ZNF567: variants seen among roughly 807,000 people sequenced by gnomAD.
ZNF567 encodes the protein zinc finger protein 567.
Under a neutral mutation model 53.9 loss-of-function variants are expected in ZNF567, and 36 were observed. That is an observed-to-expected ratio of 0.67 (90% CI 0.51 to 0.88). The LOEUF (loss-of-function observed/expected upper bound fraction) is 0.88, where lower values mean the gene tolerates loss of function less well. Ranked by LOEUF, ZNF567 falls within the 40% of genes least tolerant of loss-of-function variation. ZNF567 has a pLI of 0.00. For synonymous variants in ZNF567, 224 were observed against 260.4 expected (o/e 0.86, Z 1.35); for missense variants, 619 against 764.7 (o/e 0.81, Z 2.25).
downstream of ZNF567, among the ~76,000 whole-genome samples, chr19:36,721,686 A>C (rs1312206484): frequency 6.6e-6 from 1 of 151,564 alleles, no homozygotes; most frequent in Non-Finnish European, 1.5e-5. Flanking sequence ...AGAGAAAGGG[A>C]CATTGAGAAG....
At chr19:36,723,211 A>G, downstream of ZNF567, 1 of 702,944 alleles carries the variant, frequency 1.4e-6, no homozygotes, top group Non-Finnish European at 2.6e-6. Flanking sequence ...GCCTAACTGG[A>G]TGTTTATCCT....
rs747530916 is a variant in ZNF567, at chr19:36,715,509, AATTATTATT to A, written c.223+2670_223+2678del. Among the ~76,000 whole-genome samples the A allele has an allele frequency of 6.5e-4, 30 of 45,818 alleles. 1 individual carries two copies. The highest frequency in any genetic ancestry group is 2.6e-3 in the African/African-American group (22 of 8,568). 30.1% of individuals were successfully genotyped at this position (45,818 alleles called of 152,430 possible). ...TAATAATAATAATAATAATAATAAT[AATTATTATT>A]ATTATTATTATTATTATTATTATTA... On this transcript the variant is annotated intron_variant, in intron 5 of 5. Coordinates refer to ENST00000682579, the MANE Select transcript of ZNF567 (RefSeq NM_001322917.1).
chr19:36,686,820 G>GA (rs1469873403), upstream of ZNF567: 3 of 152,076 alleles, frequency 2.0e-5, no homozygotes, highest in East Asian at 5.8e-4. Flanking sequence ...TAAAGCGGGA[G>GA]AAAAAAGGAA....
chr19:36,676,368 CTTT>C, the ZNF567 span, among the ~76,000 whole-genome samples: 2 of 145,482 alleles, frequency 1.4e-5, no homozygotes, highest in Admixed American at 6.8e-5. Flanking sequence ...ACCCAACCAA[CTTT>C]TTTTTTTTTT....
chr19:36,682,843 G>C (rs906629626), upstream of ZNF567, among the ~76,000 whole-genome samples: 3 of 151,710 alleles, frequency 2.0e-5, no homozygotes, highest in Admixed American at 1.3e-4. Flanking sequence ...TCCTGACCTC[G>C]TGATCCGCCC....
At chr19:36,697,968 C>T (rs2038975348) in intron 3 of ZNF567, among the ~76,000 whole-genome samples, 1 of 147,636 alleles carries the variant, frequency 6.8e-6, no homozygotes, top group Non-Finnish European at 1.5e-5. Flanking sequence ...TACATGTGCA[C>T]AATGTGCAGG....
downstream of ZNF567, among the ~76,000 whole-genome samples, chr19:36,725,391 C>A (rs891910369): frequency 2.0e-5 from 3 of 151,826 alleles, no homozygotes. Flanking sequence ...TTAGTAGAAG[C>A]GGGGTTTCAC....
At chr19:36,696,219 C>G (rs1275598768) in intron 3 of ZNF567, among the ~76,000 whole-genome samples, 7 of 152,182 alleles carry the variant, frequency 4.6e-5, no homozygotes. Flanking sequence ...GTTTCAAAGA[C>G]ACTACTCTTT....
At chr19:36,687,564 C>T (rs1292894543), upstream of ZNF567, 2 of 152,296 alleles carry the variant, frequency 1.3e-5, no homozygotes, top group Non-Finnish European at 2.9e-5. Flanking sequence ...CAGGAACGCG[C>T]CGCGGAGACA....
Position 36,719,199 on chromosome 19 carries a change from C to A in ZNF567, c.475C>A (p.Leu159Ile), listed in dbSNP as rs767690841. 6.2e-7 allele frequency: 1 copy of A among 1,613,692 alleles called. No homozygotes were observed. The highest frequency in any genetic ancestry group is 8.5e-7 in the Non-Finnish European group (1 of 1,179,926). ...TAATCTAAATCCTGCAAGAAAGAGA[C>A]TTAGTGAGTATAATGGATATGGGAA... ...ISNLNPARKR[L>I]SEYNGYGKSL... Residue 159 changes from leucine (L) to isoleucine (I), a missense_variant, in exon 6 of 6, where the codon CTT (leucine) becomes ATT (isoleucine). Transcript: ENST00000682579.
chr19:36,725,041 G>C (rs969405815), downstream of ZNF567, among the ~76,000 whole-genome samples: 2 of 151,968 alleles, frequency 1.3e-5, no homozygotes, highest in Non-Finnish European at 2.9e-5. Context: ...AATAGGATTT[G>C]GGATTGAGAG....
the ZNF567 span, among the ~76,000 whole-genome samples, chr19:36,675,407 G>A: frequency 2.0e-5 from 3 of 152,108 alleles, no homozygotes; most frequent in Non-Finnish European, 1.5e-5. Flanking sequence ...AGGCGCAGTG[G>A]CTCACGCTTG....
chr19:36,698,904 A>G lies in ZNF567; in HGVS notation c.9+4028A>G, dbSNP rs555991811. Among the ~76,000 whole-genome samples, 500 of 152,138 alleles carry G rather than the reference A, an allele frequency of 3.3e-3. 2 individuals carry two copies. The highest frequency in any genetic ancestry group is 0.012 in the African/African-American group (482 of 41,514). On this transcript the variant is annotated intron_variant, in intron 3 of 5. Transcript: ENST00000682579. ...CTCTCTGATGGTAGTTTCTTTTGCT[A>G]TGCAGAAGCTCTTTAGTTTAATTAG...
chr19:36,667,723 C>T, the ZNF567 span, among the ~76,000 whole-genome samples: 2 of 148,938 alleles, frequency 1.3e-5, no homozygotes, highest in African/African-American at 5.0e-5. Context: ...AATCTCGGCT[C>T]ACTGCAAGCT....
At chr19:36,679,961 G>A in the ZNF567 span, among the ~76,000 whole-genome samples, 82 of 152,228 alleles carry the variant, frequency 5.4e-4, no homozygotes, top group African/African-American at 2.0e-3. Flanking sequence ...TTTCAAAATA[G>A]CTAAAAGATA....
intron 2 of ZNF567, among the ~76,000 whole-genome samples, chr19:36,693,319 T>C (rs887762059): frequency 6.6e-6 from 1 of 151,538 alleles, no homozygotes. Context: ...AAAAAATAAT[T>C]AGCTGGATGT....
chr19:36,697,924 T>C (rs986533944), intron 3 of ZNF567, among the ~76,000 whole-genome samples: 12 of 151,552 alleles, frequency 7.9e-5, no homozygotes, highest in Non-Finnish European at 1.6e-4. Context: ...ATTTCTTTTT[T>C]TTTTTTTTTT....
chr19:36,667,621 T>C, the ZNF567 span, among the ~76,000 whole-genome samples: 1 of 147,526 alleles, frequency 6.8e-6, no homozygotes, highest in African/African-American at 2.5e-5. Context: ...AACAAAAAAC[T>C]GTACGTCATA....
At chr19:36,683,005 A>C (rs1260759988), upstream of ZNF567, among the ~76,000 whole-genome samples, 1 of 151,524 alleles carries the variant, frequency 6.6e-6, no homozygotes, top group Non-Finnish European at 1.5e-5. Flanking sequence ...GTGTGATTTC[A>C]TGTGTTCATT....
Sources: gnomAD v4.1 joint callset for allele counts (sites outside exome capture counted in the v4.1 genomes callset) on GRCh38, gnomAD v4.1.1 for gene constraint, MANE v1.5 for transcripts, NCBI Gene and HGNC (gene_info 2026-07-23, HGNC 2026-07-21) for gene names.